The following DLGAP2 variants were observed in gnomAD, a reference collection of about 807,000 sequenced individuals.
DLGAP2 encodes the protein disks large-associated protein 2.
A neutral mutation model predicts 100.3 loss-of-function variants in DLGAP2; 26 were observed. The ratio of observed to expected loss-of-function variants is 0.26; its 90% CI spans 0.19 to 0.36. The LOEUF is 0.36. DLGAP2 is among the 10% of genes least tolerant of loss of function. The pLI, the probability that DLGAP2 is intolerant of heterozygous loss-of-function variation, is 1.00. For missense variants in DLGAP2, 1,858 were observed against 1,453.2 expected (o/e 1.28, Z -4.53); for synonymous variants, 886 against 630.1 (o/e 1.41, Z -6.08).
At chr8:1,384,944 C>T (rs73172503) in intron 3 of DLGAP2, among the ~76,000 whole-genome samples, 6,976 of 29,546 alleles carry the variant, frequency 0.24, 2,064 homozygotes, top group East Asian at 0.77. Context: ...CCCCTGAGAA[C>T]TTGGTGCAGT....
chr8:983,777 G>C (rs560640222), intron 2 of DLGAP2, among the ~76,000 whole-genome samples: 46 of 152,160 alleles, frequency 3.0e-4, no homozygotes, highest in African/African-American at 1.0e-3. Flanking sequence ...CGAGTAGCTG[G>C]GACTATATAT....
intron 2 of DLGAP2, among the ~76,000 whole-genome samples, chr8:1,254,888 C>CTGTGTGTGTGCCCTCTGCTGCCCGG (rs1799137521): frequency 1.3e-4 from 17 of 128,734 alleles, no homozygotes; most frequent in African/African-American, 5.4e-4. Context: ...CTCCTGCCCG[C>CTGTGTGTGTGCCCTCTGCTGCCCGG]GTGCTGTGTC....
At chr8:1,679,995 A>G (rs1325743435) in intron 12 of DLGAP2, among the ~76,000 whole-genome samples, 1 of 148,888 alleles carries the variant, frequency 6.7e-6, no homozygotes. Flanking sequence ...AAAAAAAAAA[A>G]AAAAAAAAGA....
intron 4 of DLGAP2, among the ~76,000 whole-genome samples, chr8:1,515,588 A>G (rs1042732826): frequency 1.3e-5 from 2 of 152,240 alleles, no homozygotes; most frequent in African/African-American, 4.8e-5. Context: ...GCAGACATGC[A>G]AAAATATGCA....
At chr8:868,108 T>C (rs1415247708) in intron 1 of DLGAP2, among the ~76,000 whole-genome samples, 2 of 152,218 alleles carry the variant, frequency 1.3e-5, no homozygotes, top group African/African-American at 4.8e-5. Context: ...TTAAAAATGA[T>C]GTTGCATTTT....
intron 2 of DLGAP2, among the ~76,000 whole-genome samples, chr8:1,029,914 C>T (rs1176887545): frequency 1.3e-5 from 2 of 151,900 alleles, no homozygotes; most frequent in Non-Finnish European, 2.9e-5. Context: ...AACATGTGGG[C>T]AATGTGGAAA....
intron 2 of DLGAP2, among the ~76,000 whole-genome samples, chr8:952,047 A>G (rs555336819): frequency 6.6e-6 from 1 of 152,310 alleles, no homozygotes; most frequent in South Asian, 2.1e-4. Flanking sequence ...GTTCTCCTCC[A>G]GTGGCACTGA....
chr8:1,290,280 A>G (rs1010789183), intron 3 of DLGAP2, among the ~76,000 whole-genome samples: 1 of 152,234 alleles, frequency 6.6e-6, no homozygotes, highest in African/African-American at 2.4e-5. Context: ...TGACGTGGCT[A>G]CACACGGTGC....
At chr8:839,120 T>C (rs1297691526) in intron 1 of DLGAP2, among the ~76,000 whole-genome samples, 2 of 152,120 alleles carry the variant, frequency 1.3e-5, no homozygotes, top group Non-Finnish European at 2.9e-5. Context: ...AAGGGAACCC[T>C]AGTGCTCTGT....
intron 6 of DLGAP2, among the ~76,000 whole-genome samples, chr8:1,577,864 G>A (rs141059671): frequency 2.6e-5 from 4 of 152,188 alleles, no homozygotes; most frequent in Non-Finnish European, 4.4e-5. Flanking sequence ...CCCTGGCCCC[G>A]CAAGTCCTGA....
At chr8:1,516,873 C>G (rs1800411686) in intron 4 of DLGAP2, among the ~76,000 whole-genome samples, 1 of 152,218 alleles carries the variant, frequency 6.6e-6, no homozygotes, top group Admixed American at 6.5e-5. Flanking sequence ...GCAGGTGAAA[C>G]TCCCTACAGC....
chr8:1,241,127 C>T (rs1427243309), intron 2 of DLGAP2, among the ~76,000 whole-genome samples: 1 of 112,432 alleles, frequency 8.9e-6, no homozygotes, highest in South Asian at 3.2e-4. Flanking sequence ...TCGCATGGCG[C>T]CGTGTCTAGT....
chr8:1,266,150 C>T (rs1315792993), intron 3 of DLGAP2, among the ~76,000 whole-genome samples: 1 of 152,216 alleles, frequency 6.6e-6, no homozygotes, highest in Admixed American at 6.5e-5. Flanking sequence ...GGAGGTTTCC[C>T]TGGCCCCCAG....
intron 2 of DLGAP2, among the ~76,000 whole-genome samples, chr8:1,010,710 C>G (rs1455333799): frequency 1.3e-5 from 2 of 152,250 alleles, no homozygotes; most frequent in Non-Finnish European, 2.9e-5. Context: ...AATTTCCTCT[C>G]AATTTCCTGC....
chr8:1,649,985 A>G (rs1798126588), intron 8 of DLGAP2, among the ~76,000 whole-genome samples: 2 of 152,252 alleles, frequency 1.3e-5, no homozygotes, highest in Admixed American at 1.3e-4. Flanking sequence ...CATGGTTGAC[A>G]TAGGCAACTG....
intron 1 of DLGAP2, among the ~76,000 whole-genome samples, chr8:810,858 T>G (rs1796357201): frequency 6.6e-6 from 1 of 152,228 alleles, no homozygotes; most frequent in Admixed American, 6.5e-5. Context: ...CTTAGGGACA[T>G]GTGTTTACAC....
intron 1 of DLGAP2, among the ~76,000 whole-genome samples, chr8:848,296 A>T (rs1175206995): frequency 6.6e-6 from 1 of 151,426 alleles, no homozygotes; most frequent in African/African-American, 2.4e-5. Context: ...CAATATAGAA[A>T]CGTGCGGTGC....
At chr8:1,286,538 G>C (rs1182042510) in intron 3 of DLGAP2, among the ~76,000 whole-genome samples, 1 of 152,176 alleles carries the variant, frequency 6.6e-6, no homozygotes, top group Non-Finnish European at 1.5e-5. Context: ...ACCGAGGCCT[G>C]TGTCTGGGAT....
chr8:1,691,807 C>A (rs1035881932), intron 13 of DLGAP2, among the ~76,000 whole-genome samples, 181 bp downstream of exon 13: 1 of 151,772 alleles, frequency 6.6e-6, no homozygotes, highest in African/African-American at 2.4e-5. Flanking sequence ...CTGGTTTAAA[C>A]GCGGTACCGA....
Sources: gnomAD v4.1 joint callset for allele counts (sites outside exome capture counted in the v4.1 genomes callset) on GRCh38, gnomAD v4.1.1 for gene constraint, MANE v1.5 for transcripts, NCBI Gene and HGNC (gene_info 2026-07-23, HGNC 2026-07-21) for gene names.